Variants in ITPRIPL2 observed in about 807,000 individuals in gnomAD.
ITPRIPL2 encodes inositol 1,4,5-trisphosphate receptor-interacting protein-like 2.
Under a neutral mutation model 31.7 loss-of-function variants are expected in ITPRIPL2, and 29 were observed. The ratio of observed to expected loss-of-function variants is 0.91; its 90% CI spans 0.68 to 1.25. ITPRIPL2 has a LOEUF of 1.25. Among genes scored for constraint, ITPRIPL2 ranks in the 50% most tolerant of loss-of-function variants. The pLI is 0.00. For synonymous variants in ITPRIPL2, 344 were observed against 343.4 expected (o/e 1.00, Z -0.02); for missense variants, 696 against 739.1 (o/e 0.94, Z 0.68).
In ITPRIPL2 at chr16:19,119,556, A is replaced by G. The variant is rs899115851; in HGVS notation, c.*3487A>G. 2.4e-5 allele frequency: 4 copies of G among 167,142 alleles called. No homozygotes were observed. Among genetic ancestry groups the G allele is most frequent in the African/African-American group, 9.7e-5 (4 of 41,414 alleles). The allele number at this position is 167,142 out of a possible 1,614,324, so 10.4% of individuals were successfully genotyped here. A position where few individuals can be genotyped will look rare whatever the true frequency, so the allele number is the denominator to read the frequency against. ...GTCCAAAACACCATGTGGGCCAAAC[A>G]TTTGTTTGAGCCTGGGGGCCACCAG... is the stretch of plus-strand genomic sequence containing the variant. On this transcript the variant is annotated 3_prime_UTR_variant, in exon 1 of 1. Coordinates refer to ENST00000381440, the MANE Select transcript of ITPRIPL2 (RefSeq NM_001034841.4).
chr16:19,114,746 G>A lies in ITPRIPL2; in HGVS notation c.285G>A (p.Pro95=), dbSNP rs139639685. The A allele has an allele frequency of 1.2e-6, 2 of 1,612,614 alleles. No individual in the cohort carries two copies. Among genetic ancestry groups the A allele is most frequent in the Non-Finnish European group, 1.7e-6 (2 of 1,179,890 alleles). The change falls in exon 1 of 1, where the codon CCG becomes CCA. Residue 95 remains proline, a synonymous_variant. Transcript: ENST00000381440. ...TCTCCTCGAGACACTTCCGAGAGCC[G>A]GGCCTCAGCATCCTGCTGGAGAGTT... is the stretch of plus-strand genomic sequence containing the variant. The part of the protein sequence containing the change: ...AAFSSRHFRE[P]GLSILLESYY...
Position 19,115,444 on chromosome 16 carries a change from C to T in ITPRIPL2, c.983C>T (p.Pro328Leu), listed in dbSNP as rs758594400. The part of the protein sequence containing the change: ...GVFLVAPPPP[P>L]LPSAPLLELP... ...TTCCTTGTGGCGCCACCACCGCCACCCTTGCCCAGCGCGCCCCTGTTGGAG... is the reference window on the plus strand; with the variant it reads ...TTCCTTGTGGCGCCACCACCGCCACTCTTGCCCAGCGCGCCCCTGTTGGAG... The change falls in exon 1 of 1, where the codon CCC (proline) becomes CTC (leucine). Residue 328 changes from proline to leucine, a missense_variant. By Grantham distance (98) the Pro-to-Leu change is moderately conservative. Transcript: ENST00000381440. 3 of 1,609,880 alleles carry T rather than the reference C, an allele frequency of 1.9e-6. No homozygotes were observed. The highest frequency in any genetic ancestry group is 1.7e-5 in the Admixed American group (1 of 60,024).
chr16:19,114,497 C>A lies in ITPRIPL2; in HGVS notation c.36C>A (p.Phe12Leu). 6.9e-7 allele frequency: 1 copy of A among 1,450,728 alleles called. No homozygotes were observed. The allele number at this position is 1,450,728 out of a possible 1,614,324, so 89.9% of individuals were successfully genotyped here. ...SVHYTLNLRVFWPLVTGLCTA... is the reference protein window; with the variant it reads ...SVHYTLNLRVLWPLVTGLCTA... ...ACTACACCCTCAATCTACGCGTCTT[C>A]TGGCCCCTGGTGACCGGCCTGTGCA... Residue 12 changes from phenylalanine (F) to leucine (L), a missense_variant, in exon 1 of 1, where the codon TTC becomes TTA. Coordinates refer to ENST00000381440, the MANE Select transcript of ITPRIPL2 (RefSeq NM_001034841.4).
Position 19,120,338 on chromosome 16 carries a change from T to C in ITPRIPL2, c.*4269T>C. ...CTCAAGCCATCCTCCCACCTCGGCC[T>C]CCCAAAGTGTTGGGATTATAGGCGC... is the stretch of plus-strand genomic sequence containing the variant. On this transcript the variant is annotated 3_prime_UTR_variant, in exon 1 of 1. Transcript: ENST00000381440. 6.3e-6 allele frequency: 1 copy of C among 159,398 alleles called. No individual in the cohort carries two copies. 9.9% of individuals were successfully genotyped at this position (159,398 alleles called of 1,614,324 possible). A position where few individuals can be genotyped will look rare whatever the true frequency, so the allele number is the denominator to read the frequency against.
chr16:19,115,219 G>C lies in ITPRIPL2; in HGVS notation c.758G>C (p.Arg253Pro). The change falls in exon 1 of 1, where the codon CGC (arginine) becomes CCC (proline). Residue 253 changes from arginine to proline, a missense_variant. Coordinates refer to ENST00000381440, the MANE Select transcript of ITPRIPL2 (RefSeq NM_001034841.4). ...RRHLSATLVLRWFQSHLQRSL... is the reference protein window; with the variant it reads ...RRHLSATLVLPWFQSHLQRSL... The stretch of plus-strand genomic sequence containing the variant: ...CACCTCTCTGCTACTCTGGTGCTGC[G>C]CTGGTTCCAGTCGCATCTGCAGCGC... 1 of 1,609,652 alleles carries C rather than the reference G, an allele frequency of 6.2e-7. No individual in the cohort carries two copies. Among genetic ancestry groups the C allele is most frequent in the Non-Finnish European group, 8.5e-7 (1 of 1,180,012 alleles).
In ITPRIPL2 at chr16:19,121,357, CTG is replaced by C. The variant is rs1279774762; in HGVS notation, c.*5292_*5293del. The C allele has an allele frequency of 1.8e-5, 3 of 167,004 alleles. No homozygotes were observed. In the Admixed American group the frequency reaches 2.0e-4, roughly 11 times the overall value. 10.3% of individuals were successfully genotyped at this position (167,004 alleles called of 1,614,324 possible). On this transcript the variant is annotated 3_prime_UTR_variant, in exon 1 of 1. Coordinates refer to ENST00000381440, the MANE Select transcript of ITPRIPL2 (RefSeq NM_001034841.4). ...ATTTTTAATGTCTTCTGACCCCAAA[CTG>C]TGTTTTTGGTTGCAGTCTGGCGGCT... is the stretch of plus-strand genomic sequence containing the variant.
In ITPRIPL2 at chr16:19,120,129, T is replaced by C. The variant is rs534435391; in HGVS notation, c.*4060T>C. 1 of 167,212 alleles carries C rather than the reference T, an allele frequency of 6.0e-6. No homozygotes were observed. Among genetic ancestry groups the C allele is most frequent in the South Asian group, 2.1e-4 (1 of 4,828 alleles). The allele number at this position is 167,212 out of a possible 1,614,324, so 10.4% of individuals were successfully genotyped here. ...CAGGGTCTCAGTCTGTTGCCCAGGC[T>C]GGAGTGCAGTGGCAAGATTGCAGCT... On this transcript the variant is annotated 3_prime_UTR_variant, in exon 1 of 1. Coordinates refer to ENST00000381440, the MANE Select transcript of ITPRIPL2 (RefSeq NM_001034841.4).
In ITPRIPL2 at chr16:19,115,008, C is replaced by A; in HGVS notation, c.547C>A (p.Pro183Thr). Residue 183 changes from proline to threonine, a missense_variant, in exon 1 of 1, where the codon CCG becomes ACG. By Grantham distance (38) the Pro-to-Thr change is conservative (BLOSUM62 -1). Transcript: ENST00000381440. The stretch of plus-strand genomic sequence containing the variant: ...CGACGTGCTGGTGCCACTGCGCCTC[C>A]CGCCGCTTGTGGCGCTGGAGCCACG... ...SFDVLVPLRL[P>T]PLVALEPRSL... 3 of 1,599,274 alleles carry A rather than the reference C, an allele frequency of 1.9e-6. No individual in the cohort carries two copies. The highest frequency in any genetic ancestry group is 2.5e-6 in the Non-Finnish European group (3 of 1,179,450).
Position 19,114,396 on chromosome 16 carries a change from G to T in ITPRIPL2, c.-66G>T. The stretch of plus-strand genomic sequence containing the variant: ...GCTGCCCGGGCGCTGTGCGCATGCT[G>T]GGCTTGGGTCGCCGCCGGGGCTTGC... On this transcript the variant is annotated 5_prime_UTR_variant, in exon 1 of 1. Coordinates refer to ENST00000381440, the MANE Select transcript of ITPRIPL2 (RefSeq NM_001034841.4). 3 of 1,239,476 alleles carry T rather than the reference G, an allele frequency of 2.4e-6. No individual in the cohort carries two copies. Among genetic ancestry groups the T allele is most frequent in the Non-Finnish European group, 3.1e-6 (3 of 976,686 alleles). The allele number at this position is 1,239,476 out of a possible 1,614,324, so 76.8% of individuals were successfully genotyped here. A position where few individuals can be genotyped will look rare whatever the true frequency, so the allele number is the denominator to read the frequency against.
rs751899857 is a variant in ITPRIPL2 at position 19,114,616 on chromosome 16, A to G, written c.155A>G (p.Lys52Arg). The G allele has an allele frequency of 4.4e-6, 7 of 1,588,776 alleles. No homozygotes were observed. The East Asian group carries it at 1.6e-4, about 36-fold the overall frequency. ...DGVDGGFPLL[K>R]VAVLLLLSYV... The stretch of plus-strand genomic sequence containing the variant: ...GTGGATGGCGGCTTCCCGTTGCTTA[A>G]GGTGGCCGTCCTGCTCCTCCTCAGC... Residue 52 changes from lysine to arginine, a missense_variant, in exon 1 of 1, where the codon AAG becomes AGG. By Grantham distance (26) the Lys-to-Arg change is conservative (BLOSUM62 2). Transcript: ENST00000381440.
rs778862996 is a variant in ITPRIPL2, at chr16:19,114,643, A to G, written c.182A>G (p.Tyr61Cys). Reference sequence around the variant, plus strand: ...GTGGCCGTCCTGCTCCTCCTCAGCTATGTCCTCCTGCGCTGTCGCCACGCT... The same window carrying G: ...GTGGCCGTCCTGCTCCTCCTCAGCTGTGTCCTCCTGCGCTGTCGCCACGCT... Reference protein sequence around the residue: ...LKVAVLLLLSYVLLRCRHAVR... With the variant: ...LKVAVLLLLSCVLLRCRHAVR... Residue 61 changes from tyrosine (Y) to cysteine (C), a missense_variant, in exon 1 of 1, where the codon TAT (tyrosine) becomes TGT (cysteine). Transcript: ENST00000381440. 2 of 1,605,362 alleles carry G rather than the reference A, an allele frequency of 1.2e-6. No homozygotes were observed. Among genetic ancestry groups the G allele is most frequent in the African/African-American group, 1.3e-5 (1 of 74,800 alleles).
rs1963505866 is a variant in ITPRIPL2 at position 19,120,620 on chromosome 16, TA to T, written c.*4552del. The T allele has an allele frequency of 2.5e-5, 3 of 120,064 alleles. No individual in the cohort carries two copies. The highest frequency in any genetic ancestry group is 2.2e-4 in the East Asian group (1 of 4,546). The allele number at this position is 120,064 out of a possible 1,614,324, so 7.4% of individuals were successfully genotyped here. ...CCTGGCTAATATATATATATATATA[TA>T]TATATTTTTTTTTTTTTTTTTTAGT... On this transcript the variant is annotated 3_prime_UTR_variant, in exon 1 of 1. Transcript: ENST00000381440.
Position 19,119,600 on chromosome 16 carries a change from C to T in ITPRIPL2, c.*3531C>T, listed in dbSNP as rs920949093. 2.4e-5 allele frequency: 4 copies of T among 166,944 alleles called. No individual in the cohort carries two copies. The highest frequency in any genetic ancestry group is 1.9e-4 in the East Asian group (1 of 5,200). The allele number at this position is 166,944 out of a possible 1,614,324, so 10.3% of individuals were successfully genotyped here. On this transcript the variant is annotated 3_prime_UTR_variant, in exon 1 of 1. Transcript: ENST00000381440. ...CCACCAGTTTGCGACCACTGCCTTA[C>T]GTAGTTAACACCCTGAGTATGTATA...
chr16:19,118,075 A>G lies in ITPRIPL2; in HGVS notation c.*2006A>G, dbSNP rs1963466745. 1 of 165,098 alleles carries G rather than the reference A, an allele frequency of 6.1e-6. No homozygotes were observed. The highest frequency in any genetic ancestry group is 2.4e-5 in the African/African-American group (1 of 40,866). The allele number at this position is 165,098 out of a possible 1,614,324, so 10.2% of individuals were successfully genotyped here. A position where few individuals can be genotyped will look rare whatever the true frequency, so the allele number is the denominator to read the frequency against. On this transcript the variant is annotated 3_prime_UTR_variant, in exon 1 of 1. Transcript: ENST00000381440. Reference sequence around the variant, plus strand: ...AGATCTTATATATATATATATGTATACATATTTTATATATATATATATTTC... The same window carrying G: ...AGATCTTATATATATATATATGTATGCATATTTTATATATATATATATTTC...
chr16:19,114,915 T>A lies in ITPRIPL2; in HGVS notation c.454T>A (p.Phe152Ile). 6.2e-7 allele frequency: 1 copy of A among 1,610,464 alleles called. No individual in the cohort carries two copies. The highest frequency in any genetic ancestry group is 8.5e-7 in the Non-Finnish European group (1 of 1,179,650). Reference protein sequence around the residue: ...LIPGGALALAFRGDFIQVGSA... With the variant: ...LIPGGALALAIRGDFIQVGSA... ...TCCTGGGGGAGCGCTGGCCTTGGCC[T>A]TCCGCGGAGACTTCATCCAGGTGGG... Residue 152 changes from phenylalanine to isoleucine, a missense_variant, in exon 1 of 1, where the codon TTC (phenylalanine) becomes ATC (isoleucine). By Grantham distance (21) the Phe-to-Ile change is conservative (BLOSUM62 0). Coordinates refer to ENST00000381440, the MANE Select transcript of ITPRIPL2 (RefSeq NM_001034841.4).
In ITPRIPL2 at chr16:19,115,298, C is replaced by A; in HGVS notation, c.837C>A (p.Thr279=). Reference sequence around the variant, plus strand: ...AGGGGCGCTGTCGGGTCACCTTGACCCCAGGTGGCCTGGAACAGCCCCCCA... The same window carrying A: ...AGGGGCGCTGTCGGGTCACCTTGACACCAGGTGGCCTGGAACAGCCCCCCA... The part of the protein sequence containing the change: ...SLEGRCRVTL[T]PGGLEQPPTL... The change falls in exon 1 of 1, where the codon ACC becomes ACA. Residue 279 remains threonine, a synonymous_variant. Coordinates refer to ENST00000381440, the MANE Select transcript of ITPRIPL2 (RefSeq NM_001034841.4). 6.2e-7 allele frequency: 1 copy of A among 1,613,222 alleles called. No homozygotes were observed. The highest frequency in any genetic ancestry group is 8.5e-7 in the Non-Finnish European group (1 of 1,180,008).
rs1409077594 is a variant in ITPRIPL2, at chr16:19,115,914, G to A, written c.1453G>A (p.Asp485Asn). 9 of 1,612,108 alleles carry A rather than the reference G, an allele frequency of 5.6e-6. No homozygotes were observed. The highest frequency in any genetic ancestry group is 2.7e-5 in the African/African-American group (2 of 74,944). ...AAPVDLLAAF[D>N]GHARELAAAR... ...CCCAGTTGACCTCCTGGCCGCTTTC[G>A]ACGGGCACGCCCGGGAACTTGCAGC... Residue 485 changes from aspartate to asparagine, a missense_variant, in exon 1 of 1, where the codon GAC (aspartate) becomes AAC (asparagine). By Grantham distance (23) the Asp-to-Asn change is conservative. Transcript: ENST00000381440.
chr16:19,114,642 T>C lies in ITPRIPL2; in HGVS notation c.181T>C (p.Tyr61His). Residue 61 changes from tyrosine (Y) to histidine (H), a missense_variant, in exon 1 of 1, where the codon TAT becomes CAT. By Grantham distance (83) the Tyr-to-His change is moderately conservative (BLOSUM62 2). Coordinates refer to ENST00000381440, the MANE Select transcript of ITPRIPL2 (RefSeq NM_001034841.4). ...GGTGGCCGTCCTGCTCCTCCTCAGC[T>C]ATGTCCTCCTGCGCTGTCGCCACGC... is the stretch of plus-strand genomic sequence containing the variant. ...LKVAVLLLLS[Y>H]VLLRCRHAVR... 5 of 1,605,290 alleles carry C rather than the reference T, an allele frequency of 3.1e-6. No individual in the cohort carries two copies. Among genetic ancestry groups the C allele is most frequent in the South Asian group, 1.1e-5 (1 of 90,396 alleles).
In ITPRIPL2 at chr16:19,115,244, C is replaced by T. The variant is rs768139749; in HGVS notation, c.783C>T (p.Arg261=). The T allele has an allele frequency of 3.1e-6, 5 of 1,611,342 alleles. No homozygotes were observed. The highest frequency in any genetic ancestry group is 4.2e-6 in the Non-Finnish European group (5 of 1,180,024). ...VLRWFQSHLQ[R]SLATVRYSLE... ...GCTGGTTCCAGTCGCATCTGCAGCG[C>T]TCCTTGGCCACTGTGCGTTACAGCC... is the stretch of plus-strand genomic sequence containing the variant. Residue 261 remains arginine (R), a synonymous_variant, in exon 1 of 1, where the codon CGC becomes CGT. Coordinates refer to ENST00000381440, the MANE Select transcript of ITPRIPL2 (RefSeq NM_001034841.4).
Sources: allele counts gnomAD v4.1 joint callset, GRCh38; gene constraint gnomAD v4.1.1; transcripts MANE v1.5; gene names NCBI Gene and HGNC (gene_info 2026-07-23, HGNC 2026-07-21).